Variants in GALK2 observed in about 807,000 individuals in gnomAD.
GALK2 encodes N-acetylgalactosamine kinase.
In GALK2, 36 loss-of-function variants were observed where a neutral mutation model predicts 52.4. The observed-to-expected ratio is 0.69, with a 90% CI of 0.53 to 0.91. The LOEUF (loss-of-function observed/expected upper bound fraction) is 0.91. Ranked by LOEUF, GALK2 falls within the 40% of genes least tolerant of loss-of-function variation. GALK2 has a pLI of 0.00. For synonymous variants in GALK2, 176 were observed against 199.1 expected (o/e 0.88, Z 0.98); for missense variants, 579 against 559.1 (o/e 1.04, Z -0.36).
Position 49,366,061 on chromosome 15 carries a change from C to G in GALK2, c.427-1430C>G. 6.1e-6 allele frequency: 5 copies of G among 817,422 alleles called. No individual in the cohort carries two copies. In the South Asian group the frequency reaches 6.7e-5, roughly 11 times the overall value. The allele number at this position is 817,422 out of a possible 1,614,324, so 50.6% of individuals were successfully genotyped here. On this transcript the variant is annotated intron_variant, in intron 3 of 3. Coordinates refer to the GALK2 transcript ENST00000558399. ...TAGATATTCTTCCTTTTTTTTCCCT[C>G]ATTTATCTATCTTCAGTTGTCACTG...
chr15:49,326,886 A>G (rs1462981564), intron 9 of GALK2: 2 of 152,204 alleles, frequency 1.3e-5, no homozygotes, highest in East Asian at 3.8e-4. Context: ...CTGATGTTCT[A>G]GAGTAGAGGT....
intron 5 of GALK2, among the ~76,000 whole-genome samples, chr15:49,258,856 T>C (rs1349086081): frequency 9.7e-6 from 1 of 103,426 alleles, no homozygotes; most frequent in Admixed American, 9.5e-5. Flanking sequence ...GAGAGAGAGA[T>C]GGTATCTCAT....
rs1555400547 is a variant in GALK2, at chr15:49,192,525, A to ATATATATATG, written c.54-8637_54-8636insTATATATATG. On this transcript the variant is annotated intron_variant, in intron 1 of 9. Coordinates refer to ENST00000560031, the MANE Select transcript of GALK2 (RefSeq NM_002044.4). ...TATATATATATATATATATATATATAGTTGGAGGTGTATCTTCAGGGCAAA... is the reference window on the plus strand; with the variant it reads ...TATATATATATATATATATATATATATATATATATGGTTGGAGGTGTATCTTCAGGGCAAA... Among the ~76,000 whole-genome samples, 24 of 123,148 alleles carry ATATATATATG rather than the reference A, an allele frequency of 1.9e-4. 1 individual carries two copies. The highest frequency in any genetic ancestry group is 7.3e-4 in the African/African-American group (24 of 32,848). 80.8% of individuals were successfully genotyped at this position (123,148 alleles called of 152,430 possible).
At chr15:49,310,095 C>T (rs1354912689) in intron 8 of GALK2, among the ~76,000 whole-genome samples, 1 of 152,126 alleles carries the variant, frequency 6.6e-6, no homozygotes, top group Non-Finnish European at 1.5e-5. Context: ...TCCATGAGCT[C>T]AGTTATTTTT....
intron 1 of GALK2, among the ~76,000 whole-genome samples, chr15:49,192,009 G>T (rs1246458898): frequency 6.6e-6 from 1 of 150,998 alleles, no homozygotes; most frequent in Admixed American, 6.6e-5. Flanking sequence ...TATTTATTTT[G>T]ATGCTCAATT....
intron 1 of GALK2, among the ~76,000 whole-genome samples, chr15:49,160,833 C>T (rs2084629246): frequency 6.6e-6 from 1 of 151,304 alleles, no homozygotes; most frequent in Non-Finnish European, 1.5e-5. Flanking sequence ...GAGATCGTGC[C>T]ACTGCACTCT....
intron 2 of GALK2, among the ~76,000 whole-genome samples, chr15:49,214,442 TG>T (rs2089210778): frequency 6.7e-6 from 1 of 149,478 alleles, no homozygotes; most frequent in African/African-American, 2.5e-5. Context: ...GCGATTCTCC[TG>T]CCTCAGCCTC....
chr15:49,312,470 T>C (rs2036072493), intron 8 of GALK2, among the ~76,000 whole-genome samples: 1 of 152,210 alleles, frequency 6.6e-6, no homozygotes, highest in African/African-American at 2.4e-5. Flanking sequence ...CCTAGGGCCT[T>C]TGGCTTCAGA....
chr15:49,352,885 G>A (rs1169095799), intron 3 of GALK2, among the ~76,000 whole-genome samples: 1 of 152,052 alleles, frequency 6.6e-6, no homozygotes, highest in African/African-American at 2.4e-5. Flanking sequence ...GAATTTCTTG[G>A]TTTTGAGACA....
At chr15:49,360,685 C>T (rs1309100929) in intron 3 of GALK2, among the ~76,000 whole-genome samples, 2 of 152,198 alleles carry the variant, frequency 1.3e-5, no homozygotes, top group South Asian at 2.1e-4. Context: ...AGTTTTTCTC[C>T]TGTTTTACTC....
intron 5 of GALK2, among the ~76,000 whole-genome samples, chr15:49,255,140 T>A (rs1408869335): frequency 7.0e-6 from 1 of 143,620 alleles, no homozygotes; most frequent in African/African-American, 2.5e-5. Flanking sequence ...TATTATCTAA[T>A]ATGCAGTTCA....
intron 3 of GALK2, among the ~76,000 whole-genome samples, chr15:49,235,041 A>G (rs963061411): frequency 2.0e-5 from 3 of 152,158 alleles, no homozygotes; most frequent in Non-Finnish European, 2.9e-5. Context: ...CTGAGATTAG[A>G]GGTGTGAGCT....
upstream of GALK2, among the ~76,000 whole-genome samples, chr15:49,167,936 CAT>C (rs2084875304): frequency 6.6e-6 from 1 of 152,110 alleles, no homozygotes; most frequent in African/African-American, 2.4e-5. Context: ...ATAATGTACA[CAT>C]TTTATTTTGG....
chr15:49,228,103 T>C (rs1595747548), intron 3 of GALK2, among the ~76,000 whole-genome samples: 1 of 152,326 alleles, frequency 6.6e-6, no homozygotes, highest in South Asian at 2.1e-4. Flanking sequence ...TTGGTGGGGC[T>C]CCTTTGTAAG....
intron 5 of GALK2, among the ~76,000 whole-genome samples, chr15:49,248,796 C>T (rs1453055876): frequency 3.3e-5 from 5 of 151,874 alleles, no homozygotes; most frequent in East Asian, 3.9e-4. Flanking sequence ...GTTTTTTTTC[C>T]GTTTTCTTTC....
upstream of GALK2, among the ~76,000 whole-genome samples, chr15:49,165,622 T>C (rs485182): frequency 0.28 from 41,797 of 151,916 alleles, 6,252 homozygotes; most frequent in East Asian, 0.43. Flanking sequence ...AAGTAAAATG[T>C]CAATAATTTA....
intron 2 of GALK2, among the ~76,000 whole-genome samples, chr15:49,210,503 G>A (rs1000190135): frequency 5.9e-5 from 9 of 151,748 alleles, no homozygotes; most frequent in African/African-American, 1.4e-4. Context: ...GCAATGGTGC[G>A]ATCTCAGCTC....
intron 3 of GALK2, among the ~76,000 whole-genome samples, chr15:49,222,927 C>T (rs1262584311): frequency 6.6e-6 from 1 of 152,202 alleles, no homozygotes; most frequent in African/African-American, 2.4e-5. Context: ...ATTCCCTTCT[C>T]TTCAATTCAT....
intron 2 of GALK2, among the ~76,000 whole-genome samples, chr15:49,203,623 CCTTT>C (rs1266626282): frequency 6.6e-6 from 1 of 152,056 alleles, no homozygotes; most frequent in African/African-American, 2.4e-5. Context: ...TGAAGTGTTT[CCTTT>C]ATGTTTTCTT....
Sources: allele counts gnomAD v4.1 joint callset (sites outside exome capture counted in the v4.1 genomes callset), GRCh38; gene constraint gnomAD v4.1.1; transcripts MANE v1.5; gene names NCBI Gene and HGNC (gene_info 2026-07-23, HGNC 2026-07-21).